The following WWC2 variants were observed in gnomAD, a reference collection of about 807,000 sequenced individuals.
WWC2 encodes the protein protein WWC2.
WWC2 carries 101 observed loss-of-function variants against 138.5 expected under a neutral mutation model. The observed-to-expected ratio is 0.73, with a 90% CI of 0.62 to 0.86. WWC2 has a LOEUF of 0.86. Among genes scored for constraint, WWC2 ranks in the 40% least tolerant of loss-of-function variants. The pLI, the probability that WWC2 is intolerant of heterozygous loss-of-function variation, is 0.00. For missense variants in WWC2, 1,420 were observed against 1,419.4 expected, an observed-to-expected ratio of 1.00 and a Z score of -0.01; for synonymous variants, 558 against 538.4, an observed-to-expected ratio of 1.04 and a Z score of -0.50.
chr4:183,228,008 A>AATTG (rs1158739603), intron 4 of WWC2, among the ~76,000 whole-genome samples: 10 of 152,038 alleles, frequency 6.6e-5, no homozygotes, highest in African/African-American at 2.4e-4. Flanking sequence ...TAAATGCTCT[A>AATTG]GTTAAAAATA....
chr4:183,244,931 T>C (rs1340806577), intron 5 of WWC2, among the ~76,000 whole-genome samples: 2 of 151,916 alleles, frequency 1.3e-5, no homozygotes, highest in Non-Finnish European at 2.9e-5. Context: ...TGATTAGAAA[T>C]GGACTGGGTT....
At chr4:183,186,499 A>G (rs551095505) in intron 1 of WWC2, among the ~76,000 whole-genome samples, 4 of 152,308 alleles carry the variant, frequency 2.6e-5, no homozygotes, top group African/African-American at 9.6e-5. Flanking sequence ...TTAGTAAGTG[A>G]ATGTCAAAAG....
intron 10 of WWC2, among the ~76,000 whole-genome samples, chr4:183,260,626 A>G (rs1197194685): frequency 6.6e-6 from 1 of 152,216 alleles, no homozygotes; most frequent in Admixed American, 6.5e-5. Flanking sequence ...AATAGGCTAT[A>G]CCACATAGCT....
At chr4:183,148,245 C>T (rs1733521857) in intron 1 of WWC2, among the ~76,000 whole-genome samples, 1 of 152,092 alleles carries the variant, frequency 6.6e-6, no homozygotes, top group Admixed American at 6.6e-5. Flanking sequence ...AAGAAACTAT[C>T]CAAGGTTTCA....
At chr4:183,224,827 C>T (rs1736027709) in intron 4 of WWC2, among the ~76,000 whole-genome samples, 1 of 152,150 alleles carries the variant, frequency 6.6e-6, no homozygotes, top group South Asian at 2.1e-4. Flanking sequence ...TCTCAAAGTT[C>T]TGGGATTACA....
chr4:183,146,973 A>G (rs1352670027), intron 1 of WWC2, among the ~76,000 whole-genome samples: 1 of 152,154 alleles, frequency 6.6e-6, no homozygotes, highest in Non-Finnish European at 1.5e-5. Flanking sequence ...TTCTCGAGAA[A>G]CACTTGGAAA....
chr4:183,102,104 C>T (rs748778709), intron 1 of WWC2, among the ~76,000 whole-genome samples: 67 of 152,136 alleles, frequency 4.4e-4, no homozygotes, highest in African/African-American at 1.6e-3. Flanking sequence ...AGGTGAATGA[C>T]GTCATTCAAA....
chr4:183,242,256 C>G (rs1269228203), intron 5 of WWC2, among the ~76,000 whole-genome samples: 1 of 152,094 alleles, frequency 6.6e-6, no homozygotes, highest in East Asian at 1.9e-4. Context: ...ATTCTTGATA[C>G]TATAAAGGGA....
intron 1 of WWC2, among the ~76,000 whole-genome samples, chr4:183,105,426 A>G (rs1216626977): frequency 6.6e-6 from 1 of 152,110 alleles, no homozygotes; most frequent in Non-Finnish European, 1.5e-5. Flanking sequence ...TGAGATTATC[A>G]CTTTAGAGGG....
At chr4:183,210,565 A>G (rs1334614428) in intron 4 of WWC2, among the ~76,000 whole-genome samples, 1 of 152,224 alleles carries the variant, frequency 6.6e-6, no homozygotes, top group Non-Finnish European at 1.5e-5. Context: ...AATATACACA[A>G]TACAATTTAT....
intron 21 of WWC2, among the ~76,000 whole-genome samples, chr4:183,303,471 G>T (rs934071895): frequency 2.7e-4 from 41 of 152,168 alleles, no homozygotes; most frequent in African/African-American, 9.9e-4. Flanking sequence ...TCAGTGCCTT[G>T]GGTGGAGGAC....
At chr4:183,289,119 G>A (rs1191411993) in intron 20 of WWC2, among the ~76,000 whole-genome samples, 1 of 152,242 alleles carries the variant, frequency 6.6e-6, no homozygotes, top group Non-Finnish European at 1.5e-5. Flanking sequence ...CAGGGCCCAT[G>A]CTGATGGAGC....
chr4:183,200,881 G>C (rs1265364410), intron 2 of WWC2, among the ~76,000 whole-genome samples: 1 of 152,146 alleles, frequency 6.6e-6, no homozygotes, highest in Non-Finnish European at 1.5e-5. Flanking sequence ...CTGTTCATTA[G>C]AAGCAAGCCA....
intron 1 of WWC2, among the ~76,000 whole-genome samples, chr4:183,142,989 G>A (rs946347694): frequency 3.3e-5 from 5 of 152,194 alleles, no homozygotes; most frequent in Non-Finnish European, 7.3e-5. Flanking sequence ...GAAATGAACA[G>A]TGAAATTCAT....
At chr4:183,233,485 G>A (rs1438787789) in intron 4 of WWC2, 4 of 151,958 alleles carry the variant, frequency 2.6e-5, no homozygotes, top group Non-Finnish European at 4.4e-5. Context: ...TGGAGATCTA[G>A]CATTGACCTT....
At chr4:183,206,547 A>G (rs1053840349) in intron 2 of WWC2, among the ~76,000 whole-genome samples, 12 of 152,268 alleles carry the variant, frequency 7.9e-5, no homozygotes, top group African/African-American at 2.4e-4. Flanking sequence ...CTGAAATAAC[A>G]TAGTTTAACA....
intron 17 of WWC2, among the ~76,000 whole-genome samples, chr4:183,281,662 C>T (rs72701391): frequency 0.022 from 3,313 of 152,064 alleles, 60 homozygotes; most frequent in Non-Finnish European, 0.035. Context: ...TAGAGTGACA[C>T]GATATATCAT....
intron 1 of WWC2, among the ~76,000 whole-genome samples, chr4:183,169,107 C>G (rs768591861): frequency 1.6e-4 from 24 of 152,202 alleles, no homozygotes; most frequent in Non-Finnish European, 2.8e-4. Flanking sequence ...CTTGGCCTCC[C>G]AAAGTGCCAG....
chr4:183,280,980 G>T (rs1460618212), intron 17 of WWC2, 83 bp downstream of exon 17: 1 of 1,468,492 alleles, frequency 6.8e-7, no homozygotes, highest in Non-Finnish European at 9.0e-7. Flanking sequence ...GTAGGCTCAT[G>T]CTTTATTCCA....
Sources: allele counts gnomAD v4.1 joint callset (sites outside exome capture counted in the v4.1 genomes callset), GRCh38; gene constraint gnomAD v4.1.1; transcripts MANE v1.5; gene names NCBI Gene and HGNC (gene_info 2026-07-23, HGNC 2026-07-21).